PCCA: variants seen among roughly 807,000 people sequenced by gnomAD.
PCCA encodes propionyl-CoA carboxylase subunit alpha.
PCCA carries 74 observed loss-of-function variants against 101.3 expected under a neutral mutation model. That is an observed-to-expected ratio of 0.73 (90% confidence interval 0.61 to 0.89). The LOEUF (loss-of-function observed/expected upper bound fraction) is 0.89. Ranked by LOEUF, PCCA falls within the 40% of genes least tolerant of loss-of-function variation. The pLI is 0.00. For missense variants in PCCA, 891 were observed against 907.0 expected (o/e 0.98, Z 0.23); for synonymous variants, 294 against 313.6 (o/e 0.94, Z 0.66).
chr13:100,200,448 T>G (rs553004648), intron 6 of PCCA, among the ~76,000 whole-genome samples: 1 of 152,176 alleles, frequency 6.6e-6, no homozygotes, highest in Non-Finnish European at 1.5e-5. Flanking sequence ...TGCCTTGGCT[T>G]CTTCTAATGG....
chr13:100,108,738 T>A (rs2048036628), intron 2 of PCCA, among the ~76,000 whole-genome samples: 2 of 152,196 alleles, frequency 1.3e-5, no homozygotes, highest in African/African-American at 4.8e-5. Context: ...GAGGGGCAGT[T>A]TTAAGGTTGG....
chr13:100,146,008 C>T (rs2052512506), intron 4 of PCCA, among the ~76,000 whole-genome samples: 1 of 149,852 alleles, frequency 6.7e-6, no homozygotes. Flanking sequence ...GCAATCTCGG[C>T]AGCTCGCTGC....
chr13:100,431,379 T>A (rs1031940280), intron 20 of PCCA, among the ~76,000 whole-genome samples: 1 of 152,226 alleles, frequency 6.6e-6, no homozygotes, highest in Non-Finnish European at 1.5e-5. Flanking sequence ...CTGTTTTTAT[T>A]GTTTTAAGTT....
intron 4 of PCCA, among the ~76,000 whole-genome samples, chr13:100,119,952 A>G (rs1179984695): frequency 6.6e-5 from 10 of 151,462 alleles, no homozygotes; most frequent in Admixed American, 6.6e-4. Context: ...GCTCACTGCA[A>G]CCTCCATCTC....
intron 4 of PCCA, among the ~76,000 whole-genome samples, chr13:100,152,730 G>A: frequency 6.6e-6 from 1 of 152,190 alleles, no homozygotes. Context: ...ACAGGCATGA[G>A]CCACCGCGCC....
chr13:100,262,630 G>C, intron 9 of PCCA, 99 bp from the exon 10 acceptor site: 1 of 728,676 alleles, frequency 1.4e-6, no homozygotes, highest in South Asian at 1.6e-5. Flanking sequence ...TATAATGATA[G>C]CTCTATTTGT....
chr13:100,392,200 GGGAAGGAA>G lies in PCCA; in HGVS notation c.1746+23640_1746+23647del, dbSNP rs146665311. ...CATTGGGGGCAGGGTAGAGGAGTTGGGGAAGGAAGGAAGGAAGGAAGAGAGAGAACAGT... is the reference window on the plus strand; with the variant it reads ...CATTGGGGGCAGGGTAGAGGAGTTGGGGAAGGAAGGAAGAGAGAGAACAGT... On this transcript the variant is annotated intron_variant, in intron 19 of 23. Transcript: ENST00000376285. Among the ~76,000 whole-genome samples, 7 of 152,134 alleles carry G rather than the reference GGGAAGGAA, an allele frequency of 4.6e-5. 1 individual carries two copies. The highest frequency in any genetic ancestry group is 1.2e-4 in the African/African-American group (5 of 41,484).
intron 6 of PCCA, among the ~76,000 whole-genome samples, chr13:100,190,778 A>G (rs2057686590): frequency 6.6e-6 from 1 of 151,866 alleles, no homozygotes; most frequent in Non-Finnish European, 1.5e-5. Flanking sequence ...CCTGGACAAA[A>G]TAAGGAGACC....
At chr13:100,157,450 G>A in intron 6 of PCCA, 110 bp downstream of exon 6, 1 of 740,744 alleles carries the variant, frequency 1.3e-6, no homozygotes. Context: ...AATTAACCCA[G>A]CAGTTCTTTG....
At chr13:100,260,785 T>C (rs760667640) in intron 9 of PCCA, among the ~76,000 whole-genome samples, 3 of 152,030 alleles carry the variant, frequency 2.0e-5, no homozygotes, top group Admixed American at 6.6e-5. Flanking sequence ...GCATCTTAAG[T>C]GTACCAACCT....
chr13:100,422,064 CTTTTCTTTT>C (rs1433270675), intron 19 of PCCA, among the ~76,000 whole-genome samples: 7 of 43,748 alleles, frequency 1.6e-4, no homozygotes, highest in East Asian at 1.1e-3. Context: ...TTTCTCTTCT[CTTTTCTTTT>C]CTTTCTTTCT....
intron 8 of PCCA, among the ~76,000 whole-genome samples, chr13:100,254,581 A>G (rs2061958806): frequency 6.6e-6 from 1 of 152,134 alleles, no homozygotes; most frequent in African/African-American, 2.4e-5. Flanking sequence ...GGGACACAAG[A>G]AAGTAGGGAT....
intron 18 of PCCA, among the ~76,000 whole-genome samples, chr13:100,344,216 A>G (rs1486901116): frequency 2.6e-5 from 4 of 152,260 alleles, no homozygotes; most frequent in African/African-American, 9.6e-5. Flanking sequence ...GATGGAAGAT[A>G]CATGTAAAAA....
intron 7 of PCCA, among the ~76,000 whole-genome samples, chr13:100,224,341 C>T (rs979790522): frequency 3.3e-5 from 5 of 152,210 alleles, no homozygotes; most frequent in Non-Finnish European, 5.9e-5. Context: ...CCGGCTGCTC[C>T]GAGTGCGGGG....
intron 21 of PCCA, 119 bp from the exon 22 acceptor site, chr13:100,515,308 A>AT: frequency 1.2e-6 from 1 of 865,302 alleles, no homozygotes; most frequent in Non-Finnish European, 1.9e-6. Context: ...AACCATTTGA[A>AT]TTTAAGGCTC....
chr13:100,325,183 AAC>A (rs1195638142), intron 16 of PCCA, among the ~76,000 whole-genome samples: 1 of 152,164 alleles, frequency 6.6e-6, no homozygotes, highest in African/African-American at 2.4e-5. Flanking sequence ...TTTTTTGTGA[AAC>A]ACCTTTCATT....
At chr13:100,526,454 A>G (rs1311383256) in intron 22 of PCCA, among the ~76,000 whole-genome samples, 1 of 152,246 alleles carries the variant, frequency 6.6e-6, no homozygotes, top group African/African-American at 2.4e-5. Context: ...AGCAGAGGAA[A>G]AGAGTACATC....
At chr13:100,434,714 G>A (rs767281) in intron 20 of PCCA, among the ~76,000 whole-genome samples, 24,001 of 152,026 alleles carry the variant, frequency 0.16, 2,538 homozygotes, top group African/African-American at 0.3. Context: ...CACAATCCAC[G>A]TCTGGCCACA....
intron 17 of PCCA, among the ~76,000 whole-genome samples, chr13:100,331,436 ATG>A (rs950706338): frequency 1.3e-5 from 2 of 152,188 alleles, no homozygotes; most frequent in Non-Finnish European, 2.9e-5. Flanking sequence ...AAGTGTTTTA[ATG>A]TAAAATGACT....
Sources: gnomAD v4.1 joint callset for allele counts (sites outside exome capture counted in the v4.1 genomes callset) on GRCh38, gnomAD v4.1.1 for gene constraint, MANE v1.5 for transcripts, NCBI Gene and HGNC (gene_info 2026-07-23, HGNC 2026-07-21) for gene names.